RIMS2: variants seen among roughly 807,000 people sequenced by gnomAD.
RIMS2 encodes regulating synaptic membrane exocytosis protein 2.
A neutral mutation model predicts 174.4 loss-of-function variants in RIMS2; 59 were observed. That is an observed-to-expected ratio of 0.34 (90% CI 0.27 to 0.42). RIMS2 has a LOEUF of 0.42. Ranked by LOEUF, RIMS2 falls within the 10% of genes least tolerant of loss-of-function variation. The probability of loss-of-function intolerance (pLI) is 1.00; values close to 1 mark genes in which losing one functional copy is unlikely to be tolerated. For synonymous variants in RIMS2, 606 were observed against 572.5 expected, an observed-to-expected ratio of 1.06 and a Z score of -0.84; for missense variants, 1,620 against 1,666.3, an observed-to-expected ratio of 0.97 and a Z score of 0.48.
intron 16 of RIMS2, among the ~76,000 whole-genome samples, chr8:103,986,822 G>A (rs977166587): frequency 6.6e-6 from 1 of 150,726 alleles, no homozygotes; most frequent in African/African-American, 2.4e-5. Flanking sequence ...GCAGTGAGCC[G>A]AGATCCTGCC....
chr8:104,221,856 G>A (rs2099157038), intron 19 of RIMS2, among the ~76,000 whole-genome samples: 2 of 152,142 alleles, frequency 1.3e-5, no homozygotes, highest in South Asian at 4.1e-4. Flanking sequence ...ATACCTAGAA[G>A]GCTCTGTATG....
At chr8:104,134,029 A>G (rs943745799) in intron 19 of RIMS2, among the ~76,000 whole-genome samples, 1 of 152,156 alleles carries the variant, frequency 6.6e-6, no homozygotes, top group Non-Finnish European at 1.5e-5. Flanking sequence ...TTTGGAGATT[A>G]TATATATTTA....
chr8:104,027,176 TA>T (rs1481176194), intron 19 of RIMS2, among the ~76,000 whole-genome samples: 1 of 152,142 alleles, frequency 6.6e-6, no homozygotes, highest in Admixed American at 6.6e-5. Flanking sequence ...AGTCATCCGG[TA>T]TTTGATGGCC....
At chr8:104,139,705 A>T (rs1222119514) in intron 19 of RIMS2, among the ~76,000 whole-genome samples, 2 of 152,168 alleles carry the variant, frequency 1.3e-5, no homozygotes, top group Non-Finnish European at 2.9e-5. Context: ...TATCATCTGC[A>T]AACAAAGATA....
At chr8:103,744,388 AT>A (rs1437006785) in intron 2 of RIMS2, among the ~76,000 whole-genome samples, 1 of 152,182 alleles carries the variant, frequency 6.6e-6, no homozygotes, top group Non-Finnish European at 1.5e-5. Flanking sequence ...GGCTCCAAAT[AT>A]ATGTCAGTGG....
exon 1 of RIMS2, chr8:103,500,768 G>A: frequency 1.7e-6 from 1 of 575,926 alleles, no homozygotes; most frequent in South Asian, 2.3e-5. Context: ...TGGATTGAAG[G>A]CCATTGATTT....
intron 1 of RIMS2, among the ~76,000 whole-genome samples, chr8:103,506,831 C>T (rs534394698): frequency 1.3e-5 from 2 of 152,156 alleles, no homozygotes; most frequent in Admixed American, 6.5e-5. Context: ...AAATAGTTTC[C>T]TCAGCAAATA....
At chr8:103,767,798 C>T (rs1056221990) in intron 3 of RIMS2, among the ~76,000 whole-genome samples, 2 of 152,202 alleles carry the variant, frequency 1.3e-5, no homozygotes, top group Non-Finnish European at 2.9e-5. Flanking sequence ...GGGAACAGTA[C>T]ATGTAATCCT....
intron 19 of RIMS2, among the ~76,000 whole-genome samples, chr8:104,243,784 G>A (rs1224273199): frequency 6.6e-6 from 1 of 152,140 alleles, no homozygotes; most frequent in Non-Finnish European, 1.5e-5. Flanking sequence ...AAATAGTTAA[G>A]CCCGACAAGA....
chr8:103,610,652 G>A (rs754082739), intron 1 of RIMS2, among the ~76,000 whole-genome samples: 10 of 152,118 alleles, frequency 6.6e-5, no homozygotes, highest in Non-Finnish European at 1.5e-5. Context: ...CATTTGTATA[G>A]CCAGTCTTGC....
At chr8:103,989,764 A>G (rs1274348583) in intron 17 of RIMS2, among the ~76,000 whole-genome samples, 2 of 152,218 alleles carry the variant, frequency 1.3e-5, no homozygotes, top group African/African-American at 4.8e-5. Flanking sequence ...AAACAATTAT[A>G]TATATAAATA....
chr8:103,918,463 A>G, exon 9 of RIMS2: 1 of 1,603,880 alleles, frequency 6.2e-7, no homozygotes, highest in South Asian at 1.1e-5. Context: ...AATACCTGAT[A>G]GCACACATGC....
At position 104,194,417 on chromosome 8, in the gene RIMS2, C is replaced by T. The variant is rs185741792; in HGVS notation, c.3335-50499C>T. On this transcript the variant is annotated intron_variant, in intron 19 of 23. Transcript: ENST00000504942. ...CAATGATAATTTTTCTTGAAAACAT[C>T]TTTAAATAAAGACTGAATGTAAAAT... Among the ~76,000 whole-genome samples the T allele has an allele frequency of 3.9e-3, 600 of 152,196 alleles. 4 individuals carry two copies. Among genetic ancestry groups the T allele is most frequent in the Non-Finnish European group, 7.4e-3 (504 of 68,002 alleles).
intron 3 of RIMS2, among the ~76,000 whole-genome samples, chr8:103,862,318 C>G (rs1014885234): frequency 6.6e-6 from 1 of 152,018 alleles, no homozygotes; most frequent in Non-Finnish European, 1.5e-5. Context: ...GTTCTCTATT[C>G]TGTTCCATTG....
intron 22 of RIMS2, among the ~76,000 whole-genome samples, chr8:104,249,946 TCTC>T (rs1393355074): frequency 2.1e-4 from 32 of 152,294 alleles, no homozygotes; most frequent in African/African-American, 6.7e-4. Context: ...GCTTCAAAAT[TCTC>T]CTCAGGAATC....
At chr8:103,633,467 A>G (rs2095996253) in intron 1 of RIMS2, among the ~76,000 whole-genome samples, 2 of 152,074 alleles carry the variant, frequency 1.3e-5, no homozygotes, top group South Asian at 2.1e-4. Context: ...TTTTTATATC[A>G]TGTTCATCAA....
intron 1 of RIMS2, among the ~76,000 whole-genome samples, chr8:103,594,741 CAA>C (rs2094418550): frequency 6.6e-6 from 1 of 151,716 alleles, no homozygotes; most frequent in Non-Finnish European, 1.5e-5. Context: ...TTTCTAACCT[CAA>C]GACAAAGAAA....
intron 19 of RIMS2, among the ~76,000 whole-genome samples, chr8:104,078,489 A>G (rs1308293199): frequency 6.6e-6 from 1 of 152,124 alleles, no homozygotes; most frequent in African/African-American, 2.4e-5. Flanking sequence ...ATCTCTTCTT[A>G]TAAGGACACC....
chr8:103,565,935 C>T (rs2092299796), intron 1 of RIMS2, among the ~76,000 whole-genome samples: 1 of 152,074 alleles, frequency 6.6e-6, no homozygotes, highest in Admixed American at 6.5e-5. Flanking sequence ...GTATGTTATG[C>T]CCAATATGTT....
Sources: gnomAD v4.1 joint callset for allele counts (sites outside exome capture counted in the v4.1 genomes callset) on GRCh38, gnomAD v4.1.1 for gene constraint, MANE v1.5 for transcripts, NCBI Gene and HGNC (gene_info 2026-07-23, HGNC 2026-07-21) for gene names.